SSBP4: variants seen among roughly 807,000 people sequenced by gnomAD.
The protein encoded by SSBP4 is single stranded DNA binding protein 4, also known as single-stranded DNA-binding protein 4.
Under a neutral mutation model 64.6 loss-of-function variants are expected in SSBP4, and 33 were observed. The observed-to-expected ratio is 0.51, with a 90% confidence interval of 0.39 to 0.68. SSBP4 has a LOEUF of 0.68. Ranked by LOEUF, SSBP4 falls within the 30% of genes least tolerant of loss-of-function variation. The pLI is 0.00. For missense variants in SSBP4, 583 were observed against 566.8 expected (o/e 1.03, Z -0.29); for synonymous variants, 243 against 224.0 (o/e 1.08, Z -0.76).
At chr19:18,415,398 A>C (rs554599713), upstream of SSBP4, among the ~76,000 whole-genome samples, 5 of 152,242 alleles carry the variant, frequency 3.3e-5, no homozygotes, top group East Asian at 7.7e-4. Context: ...CCTCTGCAGG[A>C]ATGGGGAGTA....
chr19:18,430,484 G>A (rs968047521), intron 4 of SSBP4, among the ~76,000 whole-genome samples: 3 of 152,216 alleles, frequency 2.0e-5, no homozygotes, highest in Non-Finnish European at 4.4e-5. Flanking sequence ...CTAAGGTGGA[G>A]CCTTCAGGGA....
intron 1 of SSBP4, among the ~76,000 whole-genome samples, chr19:18,420,719 G>A (rs542647280): frequency 1.3e-5 from 2 of 152,024 alleles, no homozygotes; most frequent in African/African-American, 4.8e-5. Context: ...TTAGCTGGGC[G>A]TGGGCGCCTG....
At chr19:18,418,987 T>G (rs1157956628), upstream of SSBP4, 1 of 985,546 alleles carries the variant, frequency 1.0e-6, no homozygotes, top group Non-Finnish European at 1.2e-6. The surrounding 1 kb of genome is among the most constrained non-coding windows in gnomAD (Gnocchi z 6.7). Flanking sequence ...TGGGTAGCTC[T>G]GCGGGGTGAG....
upstream of SSBP4, chr19:18,418,978 G>A: frequency 1.0e-6 from 1 of 985,680 alleles, no homozygotes; most frequent in Non-Finnish European, 1.2e-6. The surrounding 1 kb of genome is among the most constrained non-coding windows in gnomAD (Gnocchi z 6.7). Flanking sequence ...TGCTGAGTGT[G>A]GGTAGCTCTG....
At chr19:18,424,344 G>A (rs76989139) in intron 1 of SSBP4, among the ~76,000 whole-genome samples, 2,274 of 152,284 alleles carry the variant, frequency 0.015, 48 homozygotes, top group African/African-American at 0.05. Context: ...TTCTAAGGTC[G>A]TTGCAGTGAG....
In SSBP4 at chr19:18,433,784, C is replaced by G; in HGVS notation, c.1095C>G (p.Ala365=). 7.1e-7 allele frequency: 1 copy of G among 1,405,332 alleles called. No individual in the cohort carries two copies. The allele number at this position is 1,405,332 out of a possible 1,614,324, so 87.1% of individuals were successfully genotyped here. A position where few individuals can be genotyped will look rare whatever the true frequency, so the allele number is the denominator to read the frequency against. Residue 365 remains alanine (A), a synonymous_variant, in exon 17 of 18, where the codon GCC becomes GCG. Transcript: ENST00000270061. ...TPRDDGEMAA[A]GTFLHPFPSE... ...GGGACGACGGCGAGATGGCGGCCGC[C>G]GGGACCTTCCTGCACCCGTTCCCGA...
At position 18,423,850 on chromosome 19, in the gene SSBP4, G is replaced by C. The variant is rs962958009; in HGVS notation, c.60-3501G>C. Among the ~76,000 whole-genome samples the C allele has an allele frequency of 6.6e-6, 1 of 152,182 alleles. No homozygotes were observed. Among genetic ancestry groups the C allele is most frequent in the African/African-American group, 2.4e-5 (1 of 41,436 alleles). ...GGAGCCCTCATAGGTGACAGGCCCT[G>C]AGAGGTTGTACCGGCCCAGGGCAGG... On this transcript the variant is annotated intron_variant, in intron 1 of 17. Transcript: ENST00000270061. This position sits in a 1 kb window ranked among gnomAD's most constrained non-coding sequence, Gnocchi z 4.0.
intron 16 of SSBP4, 30 bp from the exon 17 acceptor site, chr19:18,433,680 G>T (rs527889983): frequency 1.5e-6 from 2 of 1,378,982 alleles, no homozygotes; most frequent in African/African-American, 1.5e-5. Flanking sequence ...GCGGGGCGGG[G>T]AGTTGCGAGC....
the SSBP4 span, among the ~76,000 whole-genome samples, chr19:18,409,865 T>A: frequency 6.6e-6 from 1 of 152,100 alleles, no homozygotes; most frequent in Non-Finnish European, 1.5e-5. Flanking sequence ...TGAGTCTCGC[T>A]CTGTCATCCA....
At chr19:18,411,567 G>A in the SSBP4 span, among the ~76,000 whole-genome samples, 5 of 152,148 alleles carry the variant, frequency 3.3e-5, no homozygotes, top group Non-Finnish European at 5.9e-5. Context: ...GGACCTCTCC[G>A]AGGGTATGTC....
intron 11 of SSBP4, 45 bp downstream of exon 11, chr19:18,432,649 G>GGGGGGGTGGGA: frequency 2.0e-6 from 1 of 489,218 alleles, no homozygotes. Context: ...GGGTGGGAGG[G>GGGGGGGTGGGA]ACACTGGGTG....
At chr19:18,412,694 C>T in the SSBP4 span, among the ~76,000 whole-genome samples, 2 of 152,098 alleles carry the variant, frequency 1.3e-5, no homozygotes, top group African/African-American at 4.8e-5. Flanking sequence ...GTTTCCCCAT[C>T]TGTAACATGG....
Position 18,426,493 on chromosome 19 carries a change from C to T in SSBP4, c.60-858C>T, listed in dbSNP as rs770670678. On this transcript the variant is annotated intron_variant, in intron 1 of 17. Coordinates refer to ENST00000270061, the MANE Select transcript of SSBP4 (RefSeq NM_032627.5). The surrounding 1 kb of genome is among the most constrained non-coding windows in gnomAD (Gnocchi z 4.5). ...GAAGGGCTGGTGCCACAGGACTGGG[C>T]GACCCTTTGGATAGGGGGTTTGTCC... 1.1e-4 allele frequency among the ~76,000 whole-genome samples: 16 copies of T among 152,304 alleles called. No individual in the cohort carries two copies. Among genetic ancestry groups the T allele is most frequent in the Middle Eastern group, 3.4e-3 (1 of 294 alleles).
the SSBP4 span, among the ~76,000 whole-genome samples, chr19:18,408,456 C>G: frequency 5.3e-5 from 8 of 151,970 alleles, no homozygotes; most frequent in African/African-American, 1.9e-4. Flanking sequence ...CAGATAATGC[C>G]CCTGAATTGA....
Position 18,432,579 on chromosome 19 carries a change from C to T in SSBP4, c.725C>T (p.Pro242Leu), listed in dbSNP as rs199614300. Residue 242 changes from proline (P) to leucine (L), a missense_variant, in exon 11 of 18, where the codon CCG becomes CTG. By Grantham distance (98) the Pro-to-Leu change is moderately conservative. Around this residue, in one of 5 missense-constraint regions of SSBP4, gnomAD observed 444 missense variants for 386.6 expected, o/e 1.15. Coordinates refer to ENST00000270061, the MANE Select transcript of SSBP4 (RefSeq NM_032627.5). ...AMNMGPGVRG[P>L]WASPSGNSIP... ...TCCAGGGGCCCAGGAGTTCGTGGCC[C>T]GTGGGCCAGCCCCAGTGGAAACTCG... is the stretch of plus-strand genomic sequence containing the variant. 1.7e-4 allele frequency: 227 copies of T among 1,313,050 alleles called. No homozygotes were observed. The highest frequency in any genetic ancestry group is 8.0e-5 in the Non-Finnish European group (80 of 998,664). The allele number at this position is 1,313,050 out of a possible 1,614,324, so 81.3% of individuals were successfully genotyped here. A position where few individuals can be genotyped will look rare whatever the true frequency, so the allele number is the denominator to read the frequency against.
chr19:18,419,139 C>T, upstream of SSBP4: 7 of 985,518 alleles, frequency 7.1e-6, no homozygotes, highest in Non-Finnish European at 8.4e-6. Flanking sequence ...GGGTGGCCGG[C>T]TCCATTTGAG....
At chr19:18,410,767 AT>A in the SSBP4 span, among the ~76,000 whole-genome samples, 1 of 151,914 alleles carries the variant, frequency 6.6e-6, no homozygotes, top group African/African-American at 2.4e-5. Context: ...GAGTTGCTAC[AT>A]TGAGTCTCTG....
chr19:18,419,120 C>A (rs1335578017), upstream of SSBP4: 3 of 985,366 alleles, frequency 3.0e-6, no homozygotes, highest in African/African-American at 1.7e-5. Flanking sequence ...GCTGGGTGTA[C>A]AACAATGTGG....
upstream of SSBP4, among the ~76,000 whole-genome samples, chr19:18,415,972 C>T (rs115510422): frequency 1.1e-3 from 160 of 152,294 alleles, no homozygotes; most frequent in African/African-American, 3.6e-3. Flanking sequence ...TCCCCGCCCC[C>T]TCTGTGCCAC....
Sources: gnomAD v4.1 joint callset for allele counts (sites outside exome capture counted in the v4.1 genomes callset) on GRCh38, gnomAD v4.1.1 for gene constraint, gnomAD v4.1.1 regional missense constraint, Gnocchi (gnomAD v3.1) non-coding constraint, MANE v1.5 for transcripts, NCBI Gene and HGNC (gene_info 2026-07-23, HGNC 2026-07-21) for gene names.